LIN28B: variants seen among roughly 807,000 people sequenced by gnomAD.
LIN28B encodes lin-28 RNA binding posttranscriptional regulator B.
LIN28B carries 5 observed loss-of-function variants against 21.9 expected under a neutral mutation model. That is an observed-to-expected ratio of 0.23 (90% CI 0.12 to 0.48). The LOEUF (loss-of-function observed/expected upper bound fraction) is 0.48, where lower values mean the gene tolerates loss of function less well. Ranked by LOEUF, LIN28B falls within the 20% of genes least tolerant of loss-of-function variation. LIN28B has a pLI of 0.98. For synonymous variants in LIN28B, 109 were observed against 111.3 expected, an observed-to-expected ratio of 0.98 and a Z score of 0.13; for missense variants, 245 against 310.5, an observed-to-expected ratio of 0.79 and a Z score of 1.58.
At chr6:104,946,702 A>G (rs1250418580) in intron 2 of LIN28B, among the ~76,000 whole-genome samples, 6 of 152,180 alleles carry the variant, frequency 3.9e-5, no homozygotes, top group African/African-American at 1.4e-4. Context: ...TTCTCTTGCT[A>G]GGAAAGAAAA....
rs895421196 is a variant in LIN28B, at chr6:105,020,062, G to A, written c.199-6236G>A. ...GGGTAAAAATAATTGGCAAATAAAC[G>A]ATAGCATTCATACTATTTTCAGTTG... is the stretch of plus-strand genomic sequence containing the variant. On this transcript the variant is annotated intron_variant, in intron 2 of 3. Coordinates refer to ENST00000345080, the MANE Select transcript of LIN28B (RefSeq NM_001004317.4). Among the ~76,000 whole-genome samples, 5 of 149,720 alleles carry A rather than the reference G, an allele frequency of 3.3e-5. No homozygotes were observed. In the East Asian group the frequency reaches 7.9e-4, roughly 24 times the overall value.
At chr6:104,994,255 C>T (rs1374869617) in intron 2 of LIN28B, among the ~76,000 whole-genome samples, 4 of 152,306 alleles carry the variant, frequency 2.6e-5, no homozygotes, top group East Asian at 1.9e-4. Context: ...CCGCCCGCCT[C>T]GGCCTCCCAA....
chr6:104,961,633 C>A (rs1228834279), intron 2 of LIN28B, among the ~76,000 whole-genome samples: 1 of 152,128 alleles, frequency 6.6e-6, no homozygotes, highest in Non-Finnish European at 1.5e-5. Flanking sequence ...AGCTCCTGAC[C>A]TTGTGATCTG....
chr6:104,954,350 A>G (rs1445863833), upstream of LIN28B, among the ~76,000 whole-genome samples: 1 of 152,214 alleles, frequency 6.6e-6, no homozygotes, highest in Non-Finnish European at 1.5e-5. Context: ...AATTTATATT[A>G]TAAAAGGATT....
rs10562331 is a variant in LIN28B at position 104,938,050 on chromosome 6, C to CAAAAA, written c.18+958_18+962dup. ...GCAACAGAGCAAGAACCTGTCTCTACAAAAAAAAAAAAAAAAAAAAAAAAA... is the reference window on the plus strand; with the variant it reads ...GCAACAGAGCAAGAACCTGTCTCTACAAAAAAAAAAAAAAAAAAAAAAAAAAAAAA... On this transcript the variant is annotated intron_variant, in intron 2 of 5. Coordinates refer to the LIN28B transcript ENST00000635857. Among the ~76,000 whole-genome samples, 63 of 73,706 alleles carry CAAAAA rather than the reference C, an allele frequency of 8.5e-4. 1 individual carries two copies. Among genetic ancestry groups the CAAAAA allele is most frequent in the African/African-American group, 3.6e-3 (58 of 16,286 alleles). 48.4% of individuals were successfully genotyped at this position (73,706 alleles called of 152,430 possible). A position where few individuals can be genotyped will look rare whatever the true frequency, so the allele number is the denominator to read the frequency against.
intron 2 of LIN28B, among the ~76,000 whole-genome samples, chr6:104,985,119 G>T (rs1201467): frequency 6.6e-6 from 1 of 152,086 alleles, no homozygotes; most frequent in African/African-American, 2.4e-5. Context: ...ACAAACTGTA[G>T]GGGAGGGAAC....
At chr6:105,061,975 A>G (rs1772129317) in intron 3 of LIN28B, among the ~76,000 whole-genome samples, 1 of 152,062 alleles carries the variant, frequency 6.6e-6, no homozygotes, top group African/African-American at 2.4e-5. Context: ...AAGCCAGCCA[A>G]CTTGCCTTCC....
At chr6:104,940,737 G>T (rs1385680464) in intron 2 of LIN28B, 1 of 150,632 alleles carries the variant, frequency 6.6e-6, no homozygotes, top group African/African-American at 2.4e-5. Flanking sequence ...GCCACTCGCC[G>T]GGCTGCGGCG....
At chr6:104,939,035 A>G (rs1285806457) in intron 2 of LIN28B, among the ~76,000 whole-genome samples, 1 of 152,196 alleles carries the variant, frequency 6.6e-6, no homozygotes, top group East Asian at 1.9e-4. Flanking sequence ...GGCTTACAAA[A>G]TACCTAGAAA....
chr6:104,956,946 A>G (rs555400105), upstream of LIN28B: 2 of 520,610 alleles, frequency 3.8e-6, no homozygotes, highest in East Asian at 4.1e-5. Flanking sequence ...GTTCATTCAT[A>G]AATTATTTTG....
At chr6:105,059,180 G>A (rs1772078899) in intron 3 of LIN28B, among the ~76,000 whole-genome samples, 1 of 151,738 alleles carries the variant, frequency 6.6e-6, no homozygotes, top group African/African-American at 2.4e-5. Context: ...TCTTGAATGC[G>A]AAACTGTATG....
rs777541323 is a variant in LIN28B at position 104,958,171 on chromosome 6, T to G, written c.83T>G (p.Leu28Trp). The G allele has an allele frequency of 2.5e-5, 40 of 1,607,996 alleles. No individual in the cohort carries two copies. Among genetic ancestry groups the G allele is most frequent in the Non-Finnish European group, 3.4e-5 (40 of 1,175,360 alleles). Residue 28 changes from leucine to tryptophan, a missense_variant, in exon 2 of 4, where the codon TTG (leucine) becomes TGG (tryptophan). Leu to Trp is a moderately conservative substitution (Grantham distance 61). Transcript: ENST00000345080. ...CCGGCAGAGGAGGAATCCCAGGTTTTGCGCGGAACTGGCCACTGTAAGTGG... is the reference window on the plus strand; with the variant it reads ...CCGGCAGAGGAGGAATCCCAGGTTTGGCGCGGAACTGGCCACTGTAAGTGG... Reference protein sequence around the residue: ...PEPAEEESQVLRGTGHCKWFN... With the variant: ...PEPAEEESQVWRGTGHCKWFN...
upstream of LIN28B, among the ~76,000 whole-genome samples, chr6:104,956,225 G>GCCTGGCGATCCCCTCCCCCT (rs1398176911): frequency 1.4e-5 from 2 of 148,126 alleles, no homozygotes; most frequent in African/African-American, 5.0e-5. Flanking sequence ...CACCTCCCCT[G>GCCTGGCGATCCCCTCCCCCT]CCTGGCGATC....
Position 104,958,675 on chromosome 6 carries a change from C to T in LIN28B, c.198+389C>T, listed in dbSNP as rs193294523. 4.6e-5 allele frequency among the ~76,000 whole-genome samples: 7 copies of T among 152,226 alleles called. No homozygotes were observed. The East Asian group carries it at 1.4e-3, about 29-fold the overall frequency. On this transcript the variant is annotated intron_variant, in intron 2 of 3. Coordinates refer to ENST00000345080, the MANE Select transcript of LIN28B (RefSeq NM_001004317.4). The stretch of plus-strand genomic sequence containing the variant: ...TTAAGGTTGAAAAAACAAAGCGAAA[C>T]AGTTTGCTGTGGAAAGAAATGTATA...
At chr6:105,057,364 C>G (rs1772040302) in intron 3 of LIN28B, among the ~76,000 whole-genome samples, 1 of 152,178 alleles carries the variant, frequency 6.6e-6, no homozygotes, top group African/African-American at 2.4e-5. Flanking sequence ...TACACATCAT[C>G]ACTATCATCT....
intron 2 of LIN28B, among the ~76,000 whole-genome samples, chr6:104,959,504 G>T (rs972747298): frequency 1.3e-5 from 2 of 152,096 alleles, no homozygotes; most frequent in Non-Finnish European, 2.9e-5. Context: ...TTGATCTGTT[G>T]TCCTGTGGTG....
chr6:105,028,639 G>GT (rs1771354383), intron 3 of LIN28B, among the ~76,000 whole-genome samples: 4 of 152,318 alleles, frequency 2.6e-5, no homozygotes, highest in Non-Finnish European at 4.4e-5. Context: ...TATTTATCAA[G>GT]ATGGGGAAAC....
At chr6:105,063,013 T>C (rs1012076234) in intron 3 of LIN28B, among the ~76,000 whole-genome samples, 1 of 152,188 alleles carries the variant, frequency 6.6e-6, no homozygotes, top group Non-Finnish European at 1.5e-5. Context: ...TCACGTGTTC[T>C]TTTAGTAAAA....
At chr6:105,049,012 T>C (rs1356753340) in intron 3 of LIN28B, among the ~76,000 whole-genome samples, 1 of 152,166 alleles carries the variant, frequency 6.6e-6, no homozygotes, top group Non-Finnish European at 1.5e-5. Flanking sequence ...GTGTCTCTAT[T>C]TCCTTCAGTT....
Sources: allele counts gnomAD v4.1 joint callset (sites outside exome capture counted in the v4.1 genomes callset), GRCh38; gene constraint gnomAD v4.1.1; transcripts MANE v1.5; gene names NCBI Gene and HGNC (gene_info 2026-07-23, HGNC 2026-07-21).